The following CNTN6 variants were observed in gnomAD, a reference collection of about 807,000 sequenced individuals.
CNTN6 encodes contactin 6, also known as contactin-6.
A neutral mutation model predicts 122.8 loss-of-function variants in CNTN6; 137 were observed. The ratio of observed to expected loss-of-function variants is 1.12; its 90% confidence interval spans 0.97 to 1.29. The LOEUF is 1.29. CNTN6 is among the 50% of genes most tolerant of loss of function. The pLI, the probability that CNTN6 is intolerant of heterozygous loss-of-function variation, is 0.00. For missense variants in CNTN6, 1,634 were observed against 1,223.4 expected (o/e 1.34, Z -5.01); for synonymous variants, 570 against 426.0 (o/e 1.34, Z -4.16).
intron 2 of CNTN6, among the ~76,000 whole-genome samples, chr3:1,165,290 C>A (rs1022285623): frequency 2.0e-5 from 3 of 152,154 alleles, no homozygotes; most frequent in Admixed American, 2.0e-4. Context: ...GCGGAAGACT[C>A]TGCAATCCTC....
At position 1,372,978 on chromosome 3, in the gene CNTN6, T is replaced by C. The variant is rs764441264; in HGVS notation, c.1786+23T>C. On this transcript the variant is annotated intron_variant, in intron 14 of 22. Transcript: ENST00000446702. ...GAGGTAAGCATAAATGGTGAAAAAG[T>C]GATCACATTGTTTCTTCACAGTTAC... 4.5e-6 allele frequency: 6 copies of C among 1,322,344 alleles called. No homozygotes were observed. In the South Asian group the frequency reaches 6.3e-5, roughly 14 times the overall value. The allele number at this position is 1,322,344 out of a possible 1,614,324, so 81.9% of individuals were successfully genotyped here.
chr3:1,261,741 T>C (rs911832745), intron 4 of CNTN6, among the ~76,000 whole-genome samples: 2 of 152,140 alleles, frequency 1.3e-5, no homozygotes, highest in East Asian at 3.8e-4. Context: ...AAAAGAACTA[T>C]AACACTTTTG....
chr3:1,319,390 AC>A (rs1700537345), intron 7 of CNTN6, among the ~76,000 whole-genome samples: 1 of 151,690 alleles, frequency 6.6e-6, no homozygotes, highest in Non-Finnish European at 1.5e-5. Flanking sequence ...TTGTACAGAT[AC>A]ATAGTACTTG....
intron 7 of CNTN6, among the ~76,000 whole-genome samples, chr3:1,313,879 C>G (rs1226534418): frequency 1.3e-5 from 2 of 152,030 alleles, no homozygotes; most frequent in South Asian, 4.1e-4. Flanking sequence ...GTTCATCTAG[C>G]TGTGTCCTCG....
chr3:1,148,461 A>AT (rs35548478), intron 2 of CNTN6, among the ~76,000 whole-genome samples: 28,020 of 151,846 alleles, frequency 0.18, 3,334 homozygotes, highest in African/African-American at 0.33. Flanking sequence ...TAAAATACAT[A>AT]TTTCTCTCAT....
intron 4 of CNTN6, among the ~76,000 whole-genome samples, chr3:1,241,060 G>A (rs925609396): frequency 6.6e-6 from 1 of 152,100 alleles, no homozygotes; most frequent in Non-Finnish European, 1.5e-5. Context: ...GGGTGGGGGA[G>A]ATTACAAAGT....
At chr3:1,176,610 G>C (rs568138917) in intron 2 of CNTN6, among the ~76,000 whole-genome samples, 7 of 152,260 alleles carry the variant, frequency 4.6e-5, no homozygotes, top group Admixed American at 2.6e-4. Flanking sequence ...TATAACTCTT[G>C]ATTATTCAAG....
intron 5 of CNTN6, among the ~76,000 whole-genome samples, chr3:1,281,360 C>T (rs750779448): frequency 5.3e-5 from 8 of 151,894 alleles, no homozygotes; most frequent in Non-Finnish European, 8.8e-5. Context: ...TAAATGTCGG[C>T]GTGGCCAAAT....
chr3:1,095,734 G>C (rs939246672), intron 1 of CNTN6, among the ~76,000 whole-genome samples: 8 of 152,134 alleles, frequency 5.3e-5, no homozygotes, highest in African/African-American at 1.9e-4. Flanking sequence ...TATAACCCTT[G>C]TTATGATAGT....
intron 17 of CNTN6, among the ~76,000 whole-genome samples, chr3:1,382,343 A>C (rs1348067421): frequency 1.3e-5 from 2 of 152,210 alleles, no homozygotes; most frequent in African/African-American, 4.8e-5. Context: ...TATTTTATAG[A>C]ATCTGATCTT....
chr3:1,375,387 C>T (rs1309673203), intron 16 of CNTN6, among the ~76,000 whole-genome samples: 1 of 151,994 alleles, frequency 6.6e-6, no homozygotes, highest in Non-Finnish European at 1.5e-5. Context: ...TAACTGAAAA[C>T]CTACTGAGTC....
chr3:1,350,497 A>G (rs1183011284), intron 11 of CNTN6, among the ~76,000 whole-genome samples: 1 of 151,862 alleles, frequency 6.6e-6, no homozygotes, highest in Non-Finnish European at 1.5e-5. Flanking sequence ...GTAAGTACTT[A>G]AGAAATATTG....
intron 1 of CNTN6, among the ~76,000 whole-genome samples, chr3:1,136,213 G>A (rs2092468582): frequency 6.6e-6 from 1 of 152,158 alleles, no homozygotes; most frequent in Non-Finnish European, 1.5e-5. Context: ...GTGGTAGGTA[G>A]TATGGTCACA....
intron 11 of CNTN6, among the ~76,000 whole-genome samples, chr3:1,351,425 G>T (rs73006880): frequency 0.095 from 14,408 of 151,852 alleles, 765 homozygotes; most frequent in Non-Finnish European, 0.12. Context: ...TTTTTAAAAG[G>T]TTGGTAACTA....
At chr3:1,311,365 A>G (rs1251720363) in intron 7 of CNTN6, among the ~76,000 whole-genome samples, 3 of 128,442 alleles carry the variant, frequency 2.3e-5, no homozygotes, top group African/African-American at 5.8e-5. Context: ...ATGTACATAT[A>G]TGTACATATA....
chr3:1,128,280 A>T (rs2092233046), intron 1 of CNTN6: 2 of 151,992 alleles, frequency 1.3e-5, no homozygotes, highest in South Asian at 4.1e-4. Flanking sequence ...GCCTACTCTG[A>T]GGCCTTAATT....
chr3:1,160,074 C>T (rs950785214), intron 2 of CNTN6, among the ~76,000 whole-genome samples: 3 of 152,048 alleles, frequency 2.0e-5, no homozygotes, highest in Admixed American at 2.0e-4. Context: ...CTGCCTTAGC[C>T]TCCCAAAGTG....
intron 2 of CNTN6, among the ~76,000 whole-genome samples, chr3:1,175,817 A>G (rs182958736): frequency 2.0e-5 from 3 of 148,454 alleles, no homozygotes; most frequent in East Asian, 3.9e-4. Context: ...CAACAGAACT[A>G]TTTGAATAGA....
chr3:1,255,878 T>A (rs993608582), intron 4 of CNTN6, among the ~76,000 whole-genome samples: 2 of 152,014 alleles, frequency 1.3e-5, no homozygotes, highest in African/African-American at 2.4e-5. Context: ...TTAGTTTTAT[T>A]GTTTTTTGAG....
Sources: allele counts gnomAD v4.1 joint callset (sites outside exome capture counted in the v4.1 genomes callset), GRCh38; gene constraint gnomAD v4.1.1; transcripts MANE v1.5; gene names NCBI Gene and HGNC (gene_info 2026-07-23, HGNC 2026-07-21).